The following SORCS3 variants were observed in gnomAD, a reference collection of about 807,000 sequenced individuals.
SORCS3 encodes the protein sortilin related VPS10 domain containing receptor 3, also known as VPS10 domain-containing receptor SorCS3.
Under a neutral mutation model 146.3 loss-of-function variants are expected in SORCS3, and 57 were observed. That is an observed-to-expected ratio of 0.39 (90% CI 0.31 to 0.49). SORCS3 has a LOEUF of 0.49. Among genes scored for constraint, SORCS3 ranks in the 20% least tolerant of loss-of-function variants. SORCS3 has a pLI of 0.92. For synonymous variants in SORCS3, 653 were observed against 618.5 expected (o/e 1.06, Z -0.83); for missense variants, 1,341 against 1,575.5 (o/e 0.85, Z 2.52).
intron 1 of SORCS3, among the ~76,000 whole-genome samples, chr10:104,785,413 T>C (rs2017422540): frequency 7.1e-6 from 1 of 140,908 alleles, no homozygotes; most frequent in Non-Finnish European, 1.5e-5. Flanking sequence ...CACCAATCCC[T>C]AATCTCAAGT....
chr10:104,969,684 C>G (rs1166110828), intron 3 of SORCS3, among the ~76,000 whole-genome samples: 1 of 152,094 alleles, frequency 6.6e-6, no homozygotes, highest in Non-Finnish European at 1.5e-5. Context: ...AACAAAAGCT[C>G]CATAAAACTG....
intron 3 of SORCS3, among the ~76,000 whole-genome samples, chr10:104,975,300 C>T (rs1488572102): frequency 6.6e-6 from 1 of 152,062 alleles, no homozygotes; most frequent in Non-Finnish European, 1.5e-5. Flanking sequence ...TGAGTGAACT[C>T]CCATTCACAA....
chr10:104,889,142 T>A (rs562841835), intron 2 of SORCS3, among the ~76,000 whole-genome samples: 2 of 152,012 alleles, frequency 1.3e-5, no homozygotes, highest in East Asian at 3.8e-4. Context: ...TGGTATATAT[T>A]TTTTTACCCC....
intron 2 of SORCS3, among the ~76,000 whole-genome samples, chr10:104,895,624 T>A (rs1470337588): frequency 1.3e-5 from 2 of 152,196 alleles, no homozygotes; most frequent in Non-Finnish European, 2.9e-5. Flanking sequence ...AATATAATGA[T>A]TCCTGCTTCC....
chr10:104,693,492 C>G (rs2016138299), intron 1 of SORCS3, among the ~76,000 whole-genome samples: 1 of 152,178 alleles, frequency 6.6e-6, no homozygotes, highest in African/African-American at 2.4e-5. Context: ...ATATACTGCA[C>G]TTTCTTTCAT....
At chr10:104,791,568 A>G (rs915754096) in intron 1 of SORCS3, among the ~76,000 whole-genome samples, 2 of 152,318 alleles carry the variant, frequency 1.3e-5, no homozygotes, top group African/African-American at 2.4e-5. Flanking sequence ...CTTATAAACC[A>G]TTGTGAACAT....
At chr10:104,915,593 A>G (rs2019018068) in intron 2 of SORCS3, among the ~76,000 whole-genome samples, 1 of 152,158 alleles carries the variant, frequency 6.6e-6, no homozygotes, top group African/African-American at 2.4e-5. Flanking sequence ...ACAACTTCAC[A>G]AAGGGCGAAA....
intron 1 of SORCS3, 68 bp downstream of exon 1, chr10:104,642,022 G>GGGGGGGCGCCC: frequency 1.2e-5 from 2 of 173,334 alleles, no homozygotes; most frequent in African/African-American, 4.4e-5. Flanking sequence ...GGGTGGGTGG[G>GGGGGGGCGCCC]AGCGAGGGAC....
At chr10:105,144,313 C>A (rs556686709) in intron 8 of SORCS3, among the ~76,000 whole-genome samples, 1 of 152,246 alleles carries the variant, frequency 6.6e-6, no homozygotes, top group South Asian at 2.1e-4. Flanking sequence ...TTGAGAAAGG[C>A]CACTAGAGTA....
chr10:104,922,266 T>TAA (rs2133604446), intron 3 of SORCS3, among the ~76,000 whole-genome samples: 1 of 152,298 alleles, frequency 6.6e-6, no homozygotes, highest in South Asian at 2.1e-4. Flanking sequence ...TAAAGTCTCT[T>TAA]ACACTAAAGT....
chr10:105,151,851 A>C (rs1287279394), intron 9 of SORCS3, among the ~76,000 whole-genome samples: 2 of 152,112 alleles, frequency 1.3e-5, no homozygotes, highest in Non-Finnish European at 1.5e-5. Flanking sequence ...CATGACTATA[A>C]TTACATAATT....
In SORCS3 at chr10:104,680,436, A is replaced by G. The variant is rs1294659140; in HGVS notation, c.627+38482A>G. Among the ~76,000 whole-genome samples the G allele has an allele frequency of 2.6e-5, 4 of 152,176 alleles. No homozygotes were observed. In the East Asian group the frequency reaches 7.7e-4, roughly 29 times the overall value. ...TGAGTCTCATCTCTAGGCGTGTGCC[A>G]GAAGCAGGCCACCGACCTTCTCCTC... is the stretch of plus-strand genomic sequence containing the variant. On this transcript the variant is annotated intron_variant, in intron 1 of 26. Transcript: ENST00000369701.
rs554974371 is a variant in SORCS3, at chr10:105,175,480, A to G, written c.1902-2586A>G. Among the ~76,000 whole-genome samples the G allele has an allele frequency of 1.9e-4, 29 of 152,310 alleles. 1 individual carries two copies. The East Asian group carries it at 5.4e-3, about 28-fold the overall frequency. Reference sequence around the variant, plus strand: ...AAAGTCGCCAAAACAAACCAAACAAAAAACCCAACTAATACTTTCTTACCT... The same window carrying G: ...AAAGTCGCCAAAACAAACCAAACAAGAAACCCAACTAATACTTTCTTACCT... On this transcript the variant is annotated intron_variant, in intron 13 of 26. Transcript: ENST00000369701.
intron 6 of SORCS3, among the ~76,000 whole-genome samples, chr10:105,095,070 A>G (rs2055736430): frequency 6.6e-6 from 1 of 152,130 alleles, no homozygotes; most frequent in East Asian, 1.9e-4. Flanking sequence ...GATGGTACCA[A>G]TCAATCTCTG....
chr10:105,190,418 A>G (rs1466531819), intron 14 of SORCS3, among the ~76,000 whole-genome samples: 1 of 152,182 alleles, frequency 6.6e-6, no homozygotes, highest in African/African-American at 2.4e-5. Context: ...TGTTATTATT[A>G]TTTTTGAGAC....
At chr10:104,688,551 C>T (rs2016076333) in intron 1 of SORCS3, among the ~76,000 whole-genome samples, 1 of 152,218 alleles carries the variant, frequency 6.6e-6, no homozygotes, top group Non-Finnish European at 1.5e-5. Context: ...AAAGAAGCAG[C>T]CTGCGGAGCT....
Position 105,089,802 on chromosome 10 carries a change from G to A in SORCS3, c.1056G>A (p.Ala352=), listed in dbSNP as rs141560719. Residue 352 remains alanine, a synonymous_variant, in exon 6 of 27, where the codon GCG becomes GCA. Coordinates refer to ENST00000369701, the MANE Select transcript of SORCS3 (RefSeq NM_014978.3). The stretch of plus-strand genomic sequence containing the variant: ...CGGTGGCCGGATTGGATAAGGAGGC[G>A]GACCTGGTGCACATGGAGGTGCGGA... ...YWSVAGLDKE[A]DLVHMEVRTT... The A allele has an allele frequency of 4.9e-3, 7,859 of 1,614,024 alleles. 25 individuals carry two copies. Among genetic ancestry groups the A allele is most frequent in the Admixed American group, 6.3e-3 (379 of 60,022 alleles).
intron 5 of SORCS3, among the ~76,000 whole-genome samples, chr10:105,082,679 G>A (rs1321569197): frequency 6.6e-6 from 1 of 152,120 alleles, no homozygotes; most frequent in Admixed American, 6.6e-5. Context: ...AGTCATTAAT[G>A]TTAGTCTTCA....
chr10:105,041,579 G>T (rs2055338846), intron 4 of SORCS3, among the ~76,000 whole-genome samples: 1 of 150,878 alleles, frequency 6.6e-6, no homozygotes, highest in South Asian at 2.1e-4. Context: ...TAGTTTTATG[G>T]CTCCGTTGTT....
Sources: gnomAD v4.1 joint callset for allele counts (sites outside exome capture counted in the v4.1 genomes callset) on GRCh38, gnomAD v4.1.1 for gene constraint, MANE v1.5 for transcripts, NCBI Gene and HGNC (gene_info 2026-07-23, HGNC 2026-07-21) for gene names.